The following BLZF1 variants were observed in gnomAD, a reference collection of about 807,000 sequenced individuals.
The protein encoded by BLZF1 is basic leucine zipper nuclear factor 1.
A neutral mutation model predicts 43.8 loss-of-function variants in BLZF1; 39 were observed. That is an observed-to-expected ratio of 0.89 (90% confidence interval 0.69 to 1.16). The LOEUF is 1.16. Among genes scored for constraint, BLZF1 ranks in the 50% most tolerant of loss-of-function variants. The pLI, the probability that BLZF1 is intolerant of heterozygous loss-of-function variation, is 0.00. For missense variants in BLZF1, 449 were observed against 469.8 expected, an observed-to-expected ratio of 0.96 and a Z score of 0.41; for synonymous variants, 136 against 159.4, an observed-to-expected ratio of 0.85 and a Z score of 1.11.
At chr1:169,389,078 C>T (rs140160367), downstream of BLZF1, among the ~76,000 whole-genome samples, 987 of 151,846 alleles carry the variant, frequency 6.5e-3, 10 homozygotes, top group African/African-American at 0.022. Context: ...GCCGAGATCG[C>T]GCCGCTGCAC....
chr1:169,372,568 A>G (rs1411069415), intron 2 of BLZF1, among the ~76,000 whole-genome samples: 1 of 152,140 alleles, frequency 6.6e-6, no homozygotes, highest in African/African-American at 2.4e-5. Flanking sequence ...TTTTTAAAAT[A>G]TATACTACCA....
chr1:169,379,627 C>G, intron 4 of BLZF1, among the ~76,000 whole-genome samples: 1 of 151,972 alleles, frequency 6.6e-6, no homozygotes, highest in East Asian at 1.9e-4. Flanking sequence ...ATGTAATCTT[C>G]TAATGTCAAC....
chr1:169,374,582 C>T (rs1314140989), intron 2 of BLZF1, among the ~76,000 whole-genome samples: 2 of 152,006 alleles, frequency 1.3e-5, no homozygotes, highest in Non-Finnish European at 2.9e-5. Flanking sequence ...TTAATTATAC[C>T]TCAGCTATGT....
intron 7 of BLZF1, among the ~76,000 whole-genome samples, chr1:169,393,712 A>G (rs12076993): frequency 0.67 from 101,267 of 151,484 alleles, 34,052 homozygotes; most frequent in East Asian, 0.92. Flanking sequence ...AGCGATTCTC[A>G]TGCCTCAGCC....
chr1:169,385,471 C>T (rs1477876701), intron 6 of BLZF1, among the ~76,000 whole-genome samples: 5 of 152,204 alleles, frequency 3.3e-5, no homozygotes, highest in Non-Finnish European at 7.3e-5. Context: ...GGCTAAAATA[C>T]AGAAACCTTT....
rs569493624 is a variant in BLZF1, at chr1:169,378,440, C to T, written c.579C>T (p.Ala193=). The T allele has an allele frequency of 2.4e-5, 38 of 1,612,698 alleles. No homozygotes were observed. The highest frequency in any genetic ancestry group is 3.1e-5 in the Non-Finnish European group (36 of 1,179,154). The part of the protein sequence containing the change: ...EKNQLILENE[A]LGRNTAQLSE... The stretch of plus-strand genomic sequence containing the variant: ...ATCAGCTTATTTTAGAAAATGAAGC[C>T]CTAGGTCGAAACACAGCTCAGCTTT... Residue 193 remains alanine, a synonymous_variant, in exon 4 of 7, where the codon GCC becomes GCT. Coordinates refer to ENST00000367808, the MANE Select transcript of BLZF1 (RefSeq NM_001320973.2).
chr1:169,369,302 T>C (rs1171568165), intron 1 of BLZF1, among the ~76,000 whole-genome samples, 171 bp from the exon 2 acceptor site: 3 of 152,150 alleles, frequency 2.0e-5, no homozygotes, highest in Non-Finnish European at 2.9e-5. Flanking sequence ...TTGAGACTTT[T>C]AGTAGACATA....
intron 2 of BLZF1, among the ~76,000 whole-genome samples, chr1:169,372,218 C>G (rs200079767): frequency 2.0e-4 from 26 of 132,428 alleles, no homozygotes; most frequent in African/African-American, 6.5e-4. Flanking sequence ...TTTAAAAAGA[C>G]TCTTGATTTA....
At chr1:169,394,316 G>A (rs139243632) in intron 7 of BLZF1, among the ~76,000 whole-genome samples, 42 of 152,226 alleles carry the variant, frequency 2.8e-4, no homozygotes, top group Non-Finnish European at 4.6e-4. Context: ...ACACATAATT[G>A]CTATTTTATC....
At chr1:169,391,561 A>T (rs183135751), downstream of BLZF1, among the ~76,000 whole-genome samples, 216 of 152,210 alleles carry the variant, frequency 1.4e-3, no homozygotes, top group African/African-American at 5.0e-3. Flanking sequence ...GGGAGTTTTC[A>T]TTTCTGCAAC....
intron 6 of BLZF1, among the ~76,000 whole-genome samples, chr1:169,383,666 G>A (rs935969137): frequency 6.6e-6 from 1 of 152,080 alleles, no homozygotes; most frequent in African/African-American, 2.4e-5. Context: ...AAACTCCCTT[G>A]ACCTTTGTAA....
At position 169,368,198 on chromosome 1, in the gene BLZF1, A is replaced by C. The variant is rs1376260643; in HGVS notation, c.-195A>C. 2 of 187,250 alleles carry C rather than the reference A, an allele frequency of 1.1e-5. No homozygotes were observed. The highest frequency in any genetic ancestry group is 2.3e-5 in the African/African-American group (1 of 42,846). The allele number at this position is 187,250 out of a possible 1,614,324, so 11.6% of individuals were successfully genotyped here. A position where few individuals can be genotyped will look rare whatever the true frequency, so the allele number is the denominator to read the frequency against. ...CCCTGAGTAATCGGAAGTGGTTAGG[A>C]GTGAGAGAGCTGCTGGATATGCGGA... On this transcript the variant is annotated 5_prime_UTR_variant, in exon 1 of 7. Coordinates refer to ENST00000367808, the MANE Select transcript of BLZF1 (RefSeq NM_001320973.2).
intron 2 of BLZF1, among the ~76,000 whole-genome samples, chr1:169,373,223 T>C (rs1428170993): frequency 6.6e-6 from 1 of 152,154 alleles, no homozygotes; most frequent in Non-Finnish European, 1.5e-5. Flanking sequence ...AAACCTTAGA[T>C]ATGTTTTAAT....
rs1199487394 is a variant in BLZF1, at chr1:169,387,978, A to T, written c.*796A>T. 2 of 152,174 alleles carry T rather than the reference A, an allele frequency of 1.3e-5. No individual in the cohort carries two copies. The highest frequency in any genetic ancestry group is 2.9e-5 in the Non-Finnish European group (2 of 68,020). 9.4% of individuals were successfully genotyped at this position (152,174 alleles called of 1,614,324 possible). ...CAAATGCAACAGACAAGAATATCCA[A>T]CTTGATATTTATAAAAGGTAGACTT... On this transcript the variant is annotated 3_prime_UTR_variant, in exon 7 of 7. Coordinates refer to ENST00000367808, the MANE Select transcript of BLZF1 (RefSeq NM_001320973.2).
intron 2 of BLZF1, among the ~76,000 whole-genome samples, chr1:169,374,899 A>G (rs917594620): frequency 6.6e-6 from 1 of 152,110 alleles, no homozygotes; most frequent in Non-Finnish European, 1.5e-5. Context: ...GTTTACATGT[A>G]TTCTTATTTA....
chr1:169,378,603 A>G, intron 4 of BLZF1, 74 bp downstream of exon 4: 1 of 1,402,668 alleles, frequency 7.1e-7, no homozygotes, highest in Non-Finnish European at 9.9e-7. Flanking sequence ...AACACAAGAA[A>G]GTAGATTGTA....
chr1:169,387,040 C>T lies in BLZF1; in HGVS notation c.1061C>T (p.Pro354Leu). 6.2e-7 allele frequency: 1 copy of T among 1,612,514 alleles called. No homozygotes were observed. Among genetic ancestry groups the T allele is most frequent in the Non-Finnish European group, 8.5e-7 (1 of 1,179,330 alleles). ...CCAGTTACCTGCAAAGAGAGTTCAC[C>T]TGATAATCCATTTTTTGAGTCTTCA... ...LDPVTCKESS[P>L]DNPFFESSPT... Residue 354 changes from proline (P) to leucine (L), a missense_variant, in exon 7 of 7, where the codon CCT (proline) becomes CTT (leucine). Physicochemically the swap from Pro to Leu is moderately conservative, Grantham distance 98. Transcript: ENST00000367808.
Position 169,386,678 on chromosome 1 carries a change from C to CAA in BLZF1, c.1018-303_1018-302dup, listed in dbSNP as rs11420632. Among the ~76,000 whole-genome samples, 843 of 107,512 alleles carry CAA rather than the reference C, an allele frequency of 7.8e-3. 12 individuals are homozygous for CAA. The highest frequency in any genetic ancestry group is 0.025 in the African/African-American group (669 of 27,194). 70.5% of individuals were successfully genotyped at this position (107,512 alleles called of 152,430 possible). A position where few individuals can be genotyped will look rare whatever the true frequency, so the allele number is the denominator to read the frequency against. On this transcript the variant is annotated intron_variant, in intron 6 of 6. Transcript: ENST00000367808. ...TGGGCCACAGAGCGAGACTCCATCT[C>CAA]AAAAAAAAAAAAAAAAAGACATAAT...
intron 6 of BLZF1, 30 bp downstream of exon 6, chr1:169,382,311 A>T (rs761483125): frequency 6.4e-7 from 1 of 1,567,344 alleles, no homozygotes; most frequent in East Asian, 2.2e-5. Flanking sequence ...GATCTATGGA[A>T]CTTCTAACAC....
Sources: gnomAD v4.1 joint callset for allele counts (sites outside exome capture counted in the v4.1 genomes callset) on GRCh38, gnomAD v4.1.1 for gene constraint, MANE v1.5 for transcripts, NCBI Gene and HGNC (gene_info 2026-07-23, HGNC 2026-07-21) for gene names.